Variants in DLGAP2 observed in about 807,000 individuals in gnomAD.
The protein encoded by DLGAP2 is DLG associated protein 2.
DLGAP2 carries 26 observed loss-of-function variants against 100.3 expected under a neutral mutation model. The ratio of observed to expected loss-of-function variants is 0.26; its 90% CI spans 0.19 to 0.36. The LOEUF (loss-of-function observed/expected upper bound fraction) is 0.36, where lower values mean the gene tolerates loss of function less well. DLGAP2 is among the 10% of genes least tolerant of loss of function. The pLI, the probability that DLGAP2 is intolerant of heterozygous loss-of-function variation, is 1.00. For synonymous variants in DLGAP2, 886 were observed against 630.1 expected (o/e 1.41, Z -6.08); for missense variants, 1,858 against 1,453.2 (o/e 1.28, Z -4.53).
chr8:1,343,530 C>A (rs1464037006), intron 3 of DLGAP2, among the ~76,000 whole-genome samples: 2 of 152,208 alleles, frequency 1.3e-5, no homozygotes, highest in African/African-American at 2.4e-5. Context: ...AAGACTCTCT[C>A]AGGCTGGAAG....
At chr8:1,534,936 A>G (rs1563206131) in intron 4 of DLGAP2, among the ~76,000 whole-genome samples, 1 of 152,230 alleles carries the variant, frequency 6.6e-6, no homozygotes. Flanking sequence ...TGTTGAATGG[A>G]TGAAATCTTC....
intron 3 of DLGAP2, among the ~76,000 whole-genome samples, chr8:1,408,483 G>A (rs1277979725): frequency 6.6e-6 from 1 of 152,182 alleles, no homozygotes; most frequent in African/African-American, 2.4e-5. Flanking sequence ...AGCCCCCATG[G>A]CCCTGCAGAG....
intron 1 of DLGAP2, among the ~76,000 whole-genome samples, chr8:802,864 G>GAGC (rs1477077354): frequency 1.3e-5 from 2 of 152,184 alleles, no homozygotes; most frequent in African/African-American, 4.8e-5. Context: ...TTGCAGCAGT[G>GAGC]AGCAGACTCC....
chr8:1,682,729 C>T (rs942570483), intron 12 of DLGAP2, among the ~76,000 whole-genome samples: 4 of 151,454 alleles, frequency 2.6e-5, no homozygotes, highest in African/African-American at 9.7e-5. Context: ...CCCCCTTGCC[C>T]TTGCAAAGTG....
intron 3 of DLGAP2, among the ~76,000 whole-genome samples, chr8:1,500,504 T>A (rs959128862): frequency 6.6e-6 from 1 of 152,220 alleles, no homozygotes; most frequent in East Asian, 1.9e-4. Flanking sequence ...CTGCACTGCC[T>A]CTGCAGCCTG....
intron 8 of DLGAP2, among the ~76,000 whole-genome samples, chr8:1,638,204 C>T (rs796917881): frequency 2.8e-4 from 43 of 152,222 alleles, no homozygotes; most frequent in African/African-American, 1.0e-3. Flanking sequence ...TGGTGCTGAA[C>T]CCTAATCCCA....
In DLGAP2 at chr8:1,392,797, T is replaced by G. The variant is rs148604417; in HGVS notation, c.107-108569T>G. On this transcript the variant is annotated intron_variant, in intron 3 of 14. Coordinates refer to ENST00000637795, the MANE Select transcript of DLGAP2 (RefSeq NM_001346810.2). Reference sequence around the variant, plus strand: ...TTCTTTCTTCGGGATAATTGCAGCTTGAAACTCCTGGGCATCTGTGATTGG... The same window carrying G: ...TTCTTTCTTCGGGATAATTGCAGCTGGAAACTCCTGGGCATCTGTGATTGG... Among the ~76,000 whole-genome samples, 523 of 136,986 alleles carry G rather than the reference T, an allele frequency of 3.8e-3. 9 individuals carry two copies. The East Asian group carries it at 0.057, about 15-fold the overall frequency. The allele number at this position is 136,986 out of a possible 152,430, so 89.9% of individuals were successfully genotyped here.
chr8:885,587 C>T (rs541748444), intron 1 of DLGAP2, among the ~76,000 whole-genome samples: 2 of 152,112 alleles, frequency 1.3e-5, no homozygotes, highest in African/African-American at 4.8e-5. Context: ...ACTTGACTTC[C>T]TCTCTTCCTA....
At chr8:1,573,257 G>A (rs1341043776) in intron 6 of DLGAP2, among the ~76,000 whole-genome samples, 2 of 132,330 alleles carry the variant, frequency 1.5e-5, no homozygotes, top group Non-Finnish European at 3.2e-5. Context: ...CTTCTGGGAT[G>A]GAGAGGAGAG....
At chr8:767,334 A>G (rs1821239698) in intron 1 of DLGAP2, among the ~76,000 whole-genome samples, 1 of 148,408 alleles carries the variant, frequency 6.7e-6, no homozygotes, top group African/African-American at 2.5e-5. Context: ...GTTGCTGGCT[A>G]CTGGCTGTTG....
chr8:739,164 G>T, intron 1 of DLGAP2: 1 of 152,506 alleles, frequency 6.6e-6, no homozygotes, highest in South Asian at 2.0e-4. Context: ...GGGGGTTTGG[G>T]AACTGTAAAT....
intron 2 of DLGAP2, among the ~76,000 whole-genome samples, chr8:1,056,611 C>T (rs1364156217): frequency 6.6e-6 from 1 of 152,204 alleles, no homozygotes; most frequent in African/African-American, 2.4e-5. Context: ...TTGAAAGGTG[C>T]CAGGACACCG....
At chr8:1,264,991 C>A (rs1799423852) in intron 3 of DLGAP2, among the ~76,000 whole-genome samples, 1 of 152,180 alleles carries the variant, frequency 6.6e-6, no homozygotes, top group Non-Finnish European at 1.5e-5. Flanking sequence ...TCCTCCTTTG[C>A]CTTCCACCAT....
intron 4 of DLGAP2, among the ~76,000 whole-genome samples, chr8:1,537,330 G>T (rs376794725): frequency 6.6e-6 from 1 of 152,310 alleles, no homozygotes; most frequent in East Asian, 1.9e-4. Context: ...TGTGGTGAGT[G>T]TGTGTTGGGG....
chr8:1,593,255 C>A (rs1796344211), intron 6 of DLGAP2, among the ~76,000 whole-genome samples: 1 of 152,012 alleles, frequency 6.6e-6, no homozygotes, highest in South Asian at 2.1e-4. Flanking sequence ...GAGATTGAGA[C>A]CATCCTGGGT....
At chr8:1,281,386 C>T (rs1416039988) in intron 3 of DLGAP2, among the ~76,000 whole-genome samples, 6 of 152,184 alleles carry the variant, frequency 3.9e-5, no homozygotes, top group African/African-American at 4.8e-5. Context: ...GATTTGATTC[C>T]TAGTCCCTTA....
intron 8 of DLGAP2, among the ~76,000 whole-genome samples, chr8:1,652,774 A>G (rs1004195171): frequency 6.6e-6 from 1 of 152,226 alleles, no homozygotes; most frequent in South Asian, 2.1e-4. Flanking sequence ...ATAAAGAATA[A>G]CATGCGAGAC....
intron 2 of DLGAP2, among the ~76,000 whole-genome samples, chr8:975,413 C>G (rs563835896): frequency 6.6e-6 from 1 of 152,178 alleles, no homozygotes; most frequent in South Asian, 2.1e-4. Flanking sequence ...TAGCATTCCC[C>G]TCAAATCAAA....
intron 3 of DLGAP2, among the ~76,000 whole-genome samples, chr8:1,469,998 A>G (rs991733233): frequency 4.3e-5 from 5 of 116,074 alleles, no homozygotes; most frequent in Non-Finnish European, 7.6e-5. Flanking sequence ...CCTAAAAAAA[A>G]AAAAGAAAAA....
Sources: allele counts gnomAD v4.1 joint callset (sites outside exome capture counted in the v4.1 genomes callset), GRCh38; gene constraint gnomAD v4.1.1; transcripts MANE v1.5; gene names NCBI Gene and HGNC (gene_info 2026-07-23, HGNC 2026-07-21).